The following PAX5 variants were observed in gnomAD, a reference collection of about 807,000 sequenced individuals.
PAX5 encodes paired box 5, also known as paired box protein Pax-5.
Under a neutral mutation model 43.7 loss-of-function variants are expected in PAX5, and 9 were observed. The observed-to-expected ratio is 0.21, with a 90% CI of 0.12 to 0.36. PAX5 has a LOEUF of 0.36. PAX5 is among the 10% of genes least tolerant of loss of function. PAX5 has a pLI of 1.00. For missense variants in PAX5, 383 were observed against 532.7 expected (o/e 0.72, Z 2.77); for synonymous variants, 228 against 214.3 (o/e 1.06, Z -0.56).
chr9:36,898,105 G>A (rs909113340), intron 7 of PAX5, among the ~76,000 whole-genome samples: 1 of 152,210 alleles, frequency 6.6e-6, no homozygotes, highest in Non-Finnish European at 1.5e-5. Flanking sequence ...TTTGGAAATG[G>A]AGGATGGAAA....
At chr9:36,909,419 G>A (rs1180270961) in intron 7 of PAX5, among the ~76,000 whole-genome samples, 1 of 152,230 alleles carries the variant, frequency 6.6e-6, no homozygotes, top group African/African-American at 2.4e-5. Flanking sequence ...CGGGTGGTTT[G>A]CACACTGAGC....
At chr9:36,907,178 G>A (rs1250016065) in intron 7 of PAX5, among the ~76,000 whole-genome samples, 1 of 152,038 alleles carries the variant, frequency 6.6e-6, no homozygotes, top group Non-Finnish European at 1.5e-5. Flanking sequence ...CTATTACTTG[G>A]GACCAAAATA....
chr9:36,926,728 T>C (rs1045299796), intron 6 of PAX5, among the ~76,000 whole-genome samples: 1 of 152,218 alleles, frequency 6.6e-6, no homozygotes, highest in South Asian at 2.1e-4. Flanking sequence ...CCCTCCTCTC[T>C]GTGTTCCCGA....
At chr9:36,860,415 C>T (rs568165224) in intron 8 of PAX5, among the ~76,000 whole-genome samples, 120 of 152,218 alleles carry the variant, frequency 7.9e-4, no homozygotes, top group African/African-American at 2.4e-3. Context: ...ACAGGGAGCT[C>T]GGAGTAAGCG....
chr9:36,870,056 ATAAATG>A, intron 8 of PAX5, among the ~76,000 whole-genome samples: 2 of 43,402 alleles, frequency 4.6e-5, no homozygotes, highest in African/African-American at 8.4e-5. Context: ...GGATGGATGG[ATAAATG>A]GATGGATGGA....
At chr9:36,908,482 G>A (rs1828999749) in intron 7 of PAX5, among the ~76,000 whole-genome samples, 1 of 152,158 alleles carries the variant, frequency 6.6e-6, no homozygotes, top group Non-Finnish European at 1.5e-5. Context: ...AGTTGGCTGA[G>A]GGCAGGAATT....
At chr9:36,976,424 C>T (rs1169768453) in intron 5 of PAX5, among the ~76,000 whole-genome samples, 3 of 152,086 alleles carry the variant, frequency 2.0e-5, no homozygotes, top group African/African-American at 7.2e-5. Context: ...AACAAGATGC[C>T]AAGGTAAGAG....
At chr9:37,026,178 TCTGA>T (rs1407241728) in intron 1 of PAX5, among the ~76,000 whole-genome samples, 2 of 152,240 alleles carry the variant, frequency 1.3e-5, no homozygotes, top group African/African-American at 4.8e-5. Context: ...TGTCTGAGAC[TCTGA>T]CTGGCCTCTC....
At chr9:36,927,123 C>T (rs1174420089) in intron 6 of PAX5, among the ~76,000 whole-genome samples, 1 of 152,104 alleles carries the variant, frequency 6.6e-6, no homozygotes, top group Non-Finnish European at 1.5e-5. Context: ...AGCTGGAACT[C>T]GATTGTGAAG....
At chr9:36,945,441 T>G (rs1832411008) in intron 6 of PAX5, among the ~76,000 whole-genome samples, 4 of 152,164 alleles carry the variant, frequency 2.6e-5, no homozygotes, top group Admixed American at 2.6e-4. Context: ...GAGGTCTTAC[T>G]ATGTTACCCA....
rs1340569538 is a variant in PAX5, at chr9:36,834,174, A to C, written c.*6386T>G. The C allele has an allele frequency of 4.3e-6, 1 of 233,160 alleles. No individual in the cohort carries two copies. Among genetic ancestry groups the C allele is most frequent in the Non-Finnish European group, 8.5e-6 (1 of 118,042 alleles). 14.4% of individuals were successfully genotyped at this position (233,160 alleles called of 1,614,324 possible). A position where few individuals can be genotyped will look rare whatever the true frequency, so the allele number is the denominator to read the frequency against. On this transcript the variant is annotated 3_prime_UTR_variant, in exon 10 of 10. Coordinates refer to ENST00000358127, the MANE Select transcript of PAX5 (RefSeq NM_016734.3). Reference sequence around the variant, plus strand: ...ATCCTCAGCCCAACCTTGGAGGCCCAGCAGCTGGGGCTGAGAAGTGGGGCC... The same window carrying C: ...ATCCTCAGCCCAACCTTGGAGGCCCCGCAGCTGGGGCTGAGAAGTGGGGCC...
chr9:36,986,112 A>G (rs1259919048), intron 5 of PAX5, among the ~76,000 whole-genome samples: 1 of 151,724 alleles, frequency 6.6e-6, no homozygotes, highest in Non-Finnish European at 1.5e-5. Context: ...GGCGCGCATC[A>G]TCTGCTCCGC....
At chr9:36,966,855 GGGCTCAGGTAA>G in intron 5 of PAX5, 131 bp from the exon 6 acceptor site, 1 of 771,800 alleles carries the variant, frequency 1.3e-6, no homozygotes, top group South Asian at 1.8e-5. Context: ...ACACCAGCAG[GGGCTCAGGTAA>G]GGCACTGCCT....
intron 7 of PAX5, among the ~76,000 whole-genome samples, chr9:36,887,892 G>C (rs1827034576): frequency 6.6e-6 from 1 of 151,924 alleles, no homozygotes; most frequent in Non-Finnish European, 1.5e-5. Context: ...TAAAGGACTT[G>C]TATCTAGAAT....
chr9:36,988,542 A>G (rs1836651934), intron 5 of PAX5, among the ~76,000 whole-genome samples: 1 of 152,052 alleles, frequency 6.6e-6, no homozygotes, highest in Non-Finnish European at 1.5e-5. Context: ...GCATGCCTGC[A>G]GTCCCAGCTA....
At chr9:36,933,160 G>A (rs1299625153) in intron 6 of PAX5, among the ~76,000 whole-genome samples, 16 of 147,390 alleles carry the variant, frequency 1.1e-4, no homozygotes, top group Non-Finnish European at 2.0e-4. Flanking sequence ...AAAAAAAAAG[G>A]AAAAAAAAGA....
At chr9:36,957,966 C>A in intron 6 of PAX5, among the ~76,000 whole-genome samples, 1 of 152,154 alleles carries the variant, frequency 6.6e-6, no homozygotes, top group Non-Finnish European at 1.5e-5. Context: ...CAGGGGTACC[C>A]TCTGGGTGGC....
intron 5 of PAX5, among the ~76,000 whole-genome samples, chr9:36,974,361 C>T (rs559427147): frequency 6.6e-6 from 1 of 152,144 alleles, no homozygotes; most frequent in Non-Finnish European, 1.5e-5. Flanking sequence ...GTTCTCACCC[C>T]GGATAGAGCG....
At chr9:36,934,322 G>A (rs1281643654) in intron 6 of PAX5, among the ~76,000 whole-genome samples, 1 of 152,210 alleles carries the variant, frequency 6.6e-6, no homozygotes, top group East Asian at 1.9e-4. Context: ...CAGTTTTTGA[G>A]TCCCCAGTGC....
Sources: allele counts gnomAD v4.1 joint callset (sites outside exome capture counted in the v4.1 genomes callset), GRCh38; gene constraint gnomAD v4.1.1; transcripts MANE v1.5; gene names NCBI Gene and HGNC (gene_info 2026-07-23, HGNC 2026-07-21).